Variants in NEK10 observed in about 807,000 individuals in gnomAD.
NEK10 encodes NIMA related kinase 10.
Under a neutral mutation model 159.8 loss-of-function variants are expected in NEK10, and 122 were observed. That is an observed-to-expected ratio of 0.76 (90% CI 0.66 to 0.89). The LOEUF (loss-of-function observed/expected upper bound fraction) is 0.89, where lower values mean the gene tolerates loss of function less well. Ranked by LOEUF, NEK10 falls within the 40% of genes least tolerant of loss-of-function variation. NEK10 has a pLI of 0.00. For missense variants in NEK10, 1,342 were observed against 1,323.1 expected, an observed-to-expected ratio of 1.01 and a Z score of -0.22; for synonymous variants, 466 against 457.1, an observed-to-expected ratio of 1.02 and a Z score of -0.25.
chr3:27,177,840 C>T (rs898114044), intron 26 of NEK10, among the ~76,000 whole-genome samples: 3 of 152,186 alleles, frequency 2.0e-5, no homozygotes, highest in African/African-American at 7.2e-5. Flanking sequence ...TCAGAAGACA[C>T]ATCCAGCAAG....
intron 22 of NEK10, among the ~76,000 whole-genome samples, chr3:27,282,422 C>T (rs1454506337): frequency 1.3e-5 from 2 of 151,320 alleles, no homozygotes; most frequent in Non-Finnish European, 3.0e-5. Flanking sequence ...ATGATTACAG[C>T]TAATCTTCAT....
intron 25 of NEK10, among the ~76,000 whole-genome samples, chr3:27,197,561 A>T (rs1949666429): frequency 6.6e-6 from 1 of 152,148 alleles, no homozygotes; most frequent in Admixed American, 6.5e-5. Flanking sequence ...TTAAGACTGT[A>T]GATTTCGGCT....
chr3:27,171,936 T>A, intron 28 of NEK10, 63 bp from the exon 29 acceptor site: 2 of 1,520,876 alleles, frequency 1.3e-6, no homozygotes, highest in Non-Finnish European at 9.0e-7. Context: ...ATTTTTTATG[T>A]TTTAATAAAA....
At chr3:27,277,866 G>T (rs1035161540) in intron 22 of NEK10, among the ~76,000 whole-genome samples, 1 of 152,188 alleles carries the variant, frequency 6.6e-6, no homozygotes. Context: ...CCACGGCATG[G>T]TTTCCCATGT....
chr3:27,311,700 G>A (rs1182112023), intron 8 of NEK10: 1 of 220,072 alleles, frequency 4.5e-6, no homozygotes, highest in East Asian at 1.5e-4. Context: ...ATCAGATAAG[G>A]TTTGTTGTTA....
At chr3:27,282,564 AAC>A (rs1167376443) in intron 22 of NEK10, among the ~76,000 whole-genome samples, 5 of 124,618 alleles carry the variant, frequency 4.0e-5, no homozygotes, top group African/African-American at 2.0e-4. Context: ...ATATATACAT[AAC>A]TGTGTTATAT....
chr3:27,283,157 T>C (rs2042327657), intron 22 of NEK10, among the ~76,000 whole-genome samples: 1 of 152,146 alleles, frequency 6.6e-6, no homozygotes, highest in South Asian at 2.1e-4. Context: ...CATGTTGTTA[T>C]AGCAAATGTG....
intron 23 of NEK10, among the ~76,000 whole-genome samples, chr3:27,204,008 A>T (rs1441558788): frequency 6.6e-6 from 1 of 152,150 alleles, no homozygotes. Context: ...TAAAAAAAAA[A>T]TGCTTTAACA....
intron 3 of NEK10, among the ~76,000 whole-genome samples, chr3:27,347,491 A>AAAC (rs1341041698): frequency 2.4e-5 from 3 of 126,416 alleles, no homozygotes; most frequent in Non-Finnish European, 3.2e-5. Flanking sequence ...AACAAGAGTG[A>AAAC]AACTCCGTCT....
At position 27,330,959 on chromosome 3, in the gene NEK10, G is replaced by A. The variant is rs534344453; in HGVS notation, c.363-8698C>T. ...GTACCTAAAGACACAAACCTGGCTG[G>A]ATGCAGTGGCTCACACCTGTAATCC... On this transcript the variant is annotated intron_variant, in intron 5 of 35. Coordinates refer to ENST00000691995, the MANE Select transcript of NEK10 (RefSeq NM_001394966.1). Among the ~76,000 whole-genome samples, 4 of 152,234 alleles carry A rather than the reference G, an allele frequency of 2.6e-5. No homozygotes were observed. The East Asian group carries it at 7.7e-4, about 29-fold the overall frequency.
At chr3:27,227,598 G>A (rs138577969) in intron 23 of NEK10, among the ~76,000 whole-genome samples, 13 of 152,228 alleles carry the variant, frequency 8.5e-5, no homozygotes, top group African/African-American at 3.1e-4. Context: ...GTTCCCTACT[G>A]ACATGGTGGC....
At chr3:27,354,976 C>T (rs1398405137) in intron 1 of NEK10, among the ~76,000 whole-genome samples, 1 of 152,034 alleles carries the variant, frequency 6.6e-6, no homozygotes, top group Non-Finnish European at 1.5e-5. Context: ...GCTGTTAAAG[C>T]AGAACATTGA....
At chr3:27,140,936 G>C (rs1303833664) in intron 31 of NEK10, among the ~76,000 whole-genome samples, 1 of 152,108 alleles carries the variant, frequency 6.6e-6, no homozygotes, top group Non-Finnish European at 1.5e-5. Context: ...ATATATAACA[G>C]AGCCTTCAAG....
chr3:27,209,842 A>T (rs1950849590), intron 23 of NEK10, among the ~76,000 whole-genome samples: 1 of 151,832 alleles, frequency 6.6e-6, no homozygotes, highest in Non-Finnish European at 1.5e-5. Flanking sequence ...TATTCAAAGG[A>T]ACTGCAAACC....
chr3:27,269,989 G>A (rs1437487732), intron 22 of NEK10, among the ~76,000 whole-genome samples: 1 of 152,158 alleles, frequency 6.6e-6, no homozygotes. Context: ...TGAAGTTGTA[G>A]TTTTGAAAAA....
chr3:27,256,154 G>C (rs1956146403), intron 23 of NEK10, 142 bp downstream of exon 23: 1 of 420,798 alleles, frequency 2.4e-6, no homozygotes, highest in Non-Finnish European at 4.2e-6. Context: ...TTCTAGTAAT[G>C]TGTATTACCT....
chr3:27,359,606 A>G (rs2048543467), intron 1 of NEK10, among the ~76,000 whole-genome samples: 1 of 152,222 alleles, frequency 6.6e-6, no homozygotes. Flanking sequence ...TTAAAATAAG[A>G]TAAAAAGTCA....
intron 31 of NEK10, among the ~76,000 whole-genome samples, chr3:27,139,882 A>AAAT (rs1943606370): frequency 6.6e-6 from 1 of 152,296 alleles, no homozygotes; most frequent in South Asian, 2.1e-4. Context: ...AGACATTGAG[A>AAAT]AATACATTGG....
intron 23 of NEK10, among the ~76,000 whole-genome samples, chr3:27,232,729 C>A (rs1268111300): frequency 1.3e-5 from 2 of 151,908 alleles, no homozygotes; most frequent in East Asian, 3.9e-4. Flanking sequence ...GACAATGGAA[C>A]AGAATAGAGA....
Sources: gnomAD v4.1 joint callset for allele counts (sites outside exome capture counted in the v4.1 genomes callset) on GRCh38, gnomAD v4.1.1 for gene constraint, MANE v1.5 for transcripts, NCBI Gene and HGNC (gene_info 2026-07-23, HGNC 2026-07-21) for gene names.